The following NPRL2 variants were observed in gnomAD, a reference collection of about 807,000 sequenced individuals.
The protein encoded by NPRL2 is GATOR1 complex protein NPRL2.
NPRL2 carries 21 observed loss-of-function variants against 51.1 expected under a neutral mutation model. That is an observed-to-expected ratio of 0.41 (90% CI 0.29 to 0.59). The LOEUF (loss-of-function observed/expected upper bound fraction) is 0.59. Ranked by LOEUF, NPRL2 falls within the 20% of genes least tolerant of loss-of-function variation. The pLI, the probability that NPRL2 is intolerant of heterozygous loss-of-function variation, is 0.29. For missense variants in NPRL2, 376 were observed against 483.4 expected (o/e 0.78, Z 2.08); for synonymous variants, 175 against 187.8 (o/e 0.93, Z 0.56).
In NPRL2 at chr3:50,348,395, A is replaced by G; in HGVS notation, c.736T>C (p.Cys246Arg). 1 of 1,613,914 alleles carries G rather than the reference A, an allele frequency of 6.2e-7. No homozygotes were observed. The highest frequency in any genetic ancestry group is 1.1e-5 in the South Asian group (1 of 91,090). Residue 246 changes from cysteine to arginine, a missense_variant, in exon 8 of 11, where the codon TGC becomes CGC. Physicochemically the swap from Cys to Arg is radical, Grantham distance 180 (BLOSUM62 -3). Transcript: ENST00000232501. The surrounding 1 kb of genome is among the most constrained non-coding windows in gnomAD (Gnocchi z 5.8). Reference protein sequence around the residue: ...VSILQYSNVYCPTPKVQDLVD... With the variant: ...VSILQYSNVYRPTPKVQDLVD... Reference sequence around the variant, plus strand: ...AGGTCCTGGACCTTGGGCGTTGGGCAGTATACATTGGAGTACTAGAGGGTA... The same window carrying G: ...AGGTCCTGGACCTTGGGCGTTGGGCGGTATACATTGGAGTACTAGAGGGTA...
chr3:50,348,847 G>A lies in NPRL2; in HGVS notation c.585+27C>T, dbSNP rs1434897317. On this transcript the variant is annotated intron_variant, in intron 5 of 10. Coordinates refer to ENST00000232501, the MANE Select transcript of NPRL2 (RefSeq NM_006545.5). The surrounding 1 kb of genome is among the most constrained non-coding windows in gnomAD (Gnocchi z 5.8). Reference sequence around the variant, plus strand: ...GCCAGGGCTGTGGCCAGCCCCAGGTGATGATACCCAGGGAGGGATGGCATA... The same window carrying A: ...GCCAGGGCTGTGGCCAGCCCCAGGTAATGATACCCAGGGAGGGATGGCATA... 4 of 1,613,812 alleles carry A rather than the reference G, an allele frequency of 2.5e-6. No individual in the cohort carries two copies. Among genetic ancestry groups the A allele is most frequent in the Non-Finnish European group, 3.4e-6 (4 of 1,179,906 alleles).
Position 50,349,183 on chromosome 3 carries a change from G to A in NPRL2, c.449-173C>T, listed in dbSNP as rs1439950891. Reference sequence around the variant, plus strand: ...CACAAAGGGGAAGGAATTGCCCAAGGGGCAGAGCTGGAGAGCTCTGCTTTC... The same window carrying A: ...CACAAAGGGGAAGGAATTGCCCAAGAGGCAGAGCTGGAGAGCTCTGCTTTC... On this transcript the variant is annotated intron_variant, in intron 4 of 10. Coordinates refer to ENST00000232501, the MANE Select transcript of NPRL2 (RefSeq NM_006545.5). This position sits in a 1 kb window ranked among gnomAD's most constrained non-coding sequence, Gnocchi z 4.6. 2.2e-6 allele frequency: 2 copies of A among 901,286 alleles called. No individual in the cohort carries two copies. The highest frequency in any genetic ancestry group is 3.4e-5 in the African/African-American group (2 of 59,500). The allele number at this position is 901,286 out of a possible 1,614,324, so 55.8% of individuals were successfully genotyped here.
Position 50,349,592 on chromosome 3 carries a change from G to A in NPRL2, c.339+73C>T, listed in dbSNP as rs587705764. Reference sequence around the variant, plus strand: ...CTGGTTTGCAGGGTCCCAGGTTTGGGGGACTTTGGAGACATGGGAACACCT... The same window carrying A: ...CTGGTTTGCAGGGTCCCAGGTTTGGAGGACTTTGGAGACATGGGAACACCT... On this transcript the variant is annotated intron_variant, in intron 3 of 10. Transcript: ENST00000232501. This position sits in a 1 kb window ranked among gnomAD's most constrained non-coding sequence, Gnocchi z 4.6. The A allele has an allele frequency of 6.2e-7, 1 of 1,608,052 alleles. No individual in the cohort carries two copies. The highest frequency in any genetic ancestry group is 1.3e-5 in the African/African-American group (1 of 74,876).
rs1205182080 is a variant in NPRL2 at position 50,349,380 on chromosome 3, C to A, written c.448+6G>T. The A allele has an allele frequency of 6.2e-7, 1 of 1,611,320 alleles. No homozygotes were observed. Among genetic ancestry groups the A allele is most frequent in the Middle Eastern group, 1.7e-4 (1 of 6,052 alleles). On this transcript the variant is annotated splice_donor_region_variant and intron_variant, in intron 4 of 10. Coordinates refer to ENST00000232501, the MANE Select transcript of NPRL2 (RefSeq NM_006545.5). The surrounding 1 kb of genome is among the most constrained non-coding windows in gnomAD (Gnocchi z 4.6). ...CCTCTGCTGTCCTTGCAGAGGCTGG[C>A]CATACCAATGGGCAGAGTGCACCGG... is the stretch of plus-strand genomic sequence containing the variant.
In NPRL2 at chr3:50,349,615, C is replaced by G. The variant is rs1703684043; in HGVS notation, c.339+50G>C. The G allele has an allele frequency of 6.2e-7, 1 of 1,603,362 alleles. No homozygotes were observed. Among genetic ancestry groups the G allele is most frequent in the African/African-American group, 1.3e-5 (1 of 74,800 alleles). ...GGGGGACTTTGGAGACATGGGAACA[C>G]CTTCCCCAACTCTGCCTGTCGGTAA... On this transcript the variant is annotated intron_variant, in intron 3 of 10. Transcript: ENST00000232501. The surrounding 1 kb of genome is among the most constrained non-coding windows in gnomAD (Gnocchi z 4.6).
rs1575560581 is a variant in NPRL2, at chr3:50,348,393, G to A, written c.738C>T (p.Cys246=). The part of the protein sequence containing the change: ...VSILQYSNVY[C]PTPKVQDLVD... ...CCAGGTCCTGGACCTTGGGCGTTGG[G>A]CAGTATACATTGGAGTACTAGAGGG... The change falls in exon 8 of 11, where the codon TGC becomes TGT. Residue 246 remains cysteine (C), a synonymous_variant. Transcript: ENST00000232501. This position sits in a 1 kb window ranked among gnomAD's most constrained non-coding sequence, Gnocchi z 5.8. 2.5e-6 allele frequency: 4 copies of A among 1,613,934 alleles called. No individual in the cohort carries two copies. The highest frequency in any genetic ancestry group is 1.7e-6 in the Non-Finnish European group (2 of 1,180,028).
In NPRL2 at chr3:50,350,509, C is replaced by T. The variant is rs1394947796; in HGVS notation, c.78+66G>A. ...GTGCAGCACGGGAAACTACTGCCTT[C>T]AGGCAGCCAGTTGAGCTCTCGAGAA... On this transcript the variant is annotated intron_variant, in intron 1 of 10. Coordinates refer to ENST00000232501, the MANE Select transcript of NPRL2 (RefSeq NM_006545.5). The surrounding 1 kb of genome is among the most constrained non-coding windows in gnomAD (Gnocchi z 5.7). The T allele has an allele frequency of 7.4e-6, 11 of 1,494,970 alleles. No homozygotes were observed. The highest frequency in any genetic ancestry group is 9.1e-6 in the Non-Finnish European group (10 of 1,097,210). 92.6% of individuals were successfully genotyped at this position (1,494,970 alleles called of 1,614,324 possible).
chr3:50,347,715 G>A, intron 10 of NPRL2, 42 bp from the exon 11 acceptor site: 2 of 1,613,812 alleles, frequency 1.2e-6, no homozygotes, highest in Non-Finnish European at 1.7e-6. Context: ...CCTTGGCCTG[G>A]CCACCCTGCC....
rs763820779 is a variant in NPRL2, at chr3:50,348,509, C to G, written c.720+18G>C. ...CCACATGATCCACTCTCCACTTAAC[C>G]AAACCCAACTCACCTACCTGGAGGA... On this transcript the variant is annotated intron_variant, in intron 7 of 10. Coordinates refer to ENST00000232501, the MANE Select transcript of NPRL2 (RefSeq NM_006545.5). This position sits in a 1 kb window ranked among gnomAD's most constrained non-coding sequence, Gnocchi z 5.8. 4 of 1,614,094 alleles carry G rather than the reference C, an allele frequency of 2.5e-6. No homozygotes were observed. The South Asian group carries it at 4.4e-5, about 18-fold the overall frequency.
chr3:50,347,736 C>A (rs374135407), intron 10 of NPRL2, 23 bp downstream of exon 10: 2 of 1,613,790 alleles, frequency 1.2e-6, no homozygotes, highest in Non-Finnish European at 1.7e-6. Context: ...CTGAACCCAC[C>A]CTGACTGCCC....
chr3:50,349,327 G>A lies in NPRL2; in HGVS notation c.448+59C>T, dbSNP rs1703667713. On this transcript the variant is annotated intron_variant, in intron 4 of 10. Coordinates refer to ENST00000232501, the MANE Select transcript of NPRL2 (RefSeq NM_006545.5). This position sits in a 1 kb window ranked among gnomAD's most constrained non-coding sequence, Gnocchi z 4.6. ...GTCTTGCCCTTCTCCCTGACTAGCT[G>A]GGTTCACTTTCCCATCTCTCCTCTA... 2.1e-6 allele frequency: 3 copies of A among 1,426,482 alleles called. No individual in the cohort carries two copies. Among genetic ancestry groups the A allele is most frequent in the Non-Finnish European group, 2.0e-6 (2 of 1,012,366 alleles). 88.4% of individuals were successfully genotyped at this position (1,426,482 alleles called of 1,614,324 possible). A position where few individuals can be genotyped will look rare whatever the true frequency, so the allele number is the denominator to read the frequency against.
rs745518585 is a variant in NPRL2 at position 50,348,775 on chromosome 3, G to T, written c.593C>A (p.Pro198His). Residue 198 changes from proline (P) to histidine (H), a missense_variant, in exon 6 of 11, where the codon CCC becomes CAC. By Grantham distance (77) the Pro-to-His change is moderately conservative. Coordinates refer to ENST00000232501, the MANE Select transcript of NPRL2 (RefSeq NM_006545.5). The surrounding 1 kb of genome is among the most constrained non-coding windows in gnomAD (Gnocchi z 5.8). ...QWDLTTQQIL[P>H]YIDGFRHIQK... ...GATGTGGCGGAACCCATCAATGTAG[G>T]GCAGGATCTGGGCAGAGTGGGACAA... The T allele has an allele frequency of 2.3e-5, 37 of 1,613,906 alleles. No individual in the cohort carries two copies. Among genetic ancestry groups the T allele is most frequent in the Non-Finnish European group, 3.0e-5 (35 of 1,180,040 alleles).
In NPRL2 at chr3:50,350,758, G is replaced by T. The variant is rs1401955935; in HGVS notation, c.-106C>A. ...CAGCCTCGAGGCCTGTGTCGCTGGG[G>T]CACGCAAGCTTGCCAATCCCTCTGC... is the stretch of plus-strand genomic sequence containing the variant. On this transcript the variant is annotated 5_prime_UTR_variant, in exon 1 of 11. Transcript: ENST00000232501. The surrounding 1 kb of genome is among the most constrained non-coding windows in gnomAD (Gnocchi z 5.7). 12 of 1,491,218 alleles carry T rather than the reference G, an allele frequency of 8.0e-6. No individual in the cohort carries two copies. The African/African-American group carries it at 1.5e-4, about 19-fold the overall frequency. The allele number at this position is 1,491,218 out of a possible 1,614,324, so 92.4% of individuals were successfully genotyped here.
Position 50,348,677 on chromosome 3 carries a change from C to T in NPRL2, c.683+8G>A, listed in dbSNP as rs368949072. On this transcript the variant is annotated splice_region_variant and intron_variant, in intron 6 of 10. Coordinates refer to ENST00000232501, the MANE Select transcript of NPRL2 (RefSeq NM_006545.5). This position sits in a 1 kb window ranked among gnomAD's most constrained non-coding sequence, Gnocchi z 5.8. ...CCTTGTCCCAGGTATGACTGTAGGC[C>T]CACTCACAGCAGGTTCTGGATAGCA... 6.2e-7 allele frequency: 1 copy of T among 1,614,020 alleles called. No individual in the cohort carries two copies. Among genetic ancestry groups the T allele is most frequent in the African/African-American group, 1.3e-5 (1 of 75,030 alleles).
rs1575563234 is a variant in NPRL2, at chr3:50,350,053, G to T, written c.79-31C>A. 1.9e-6 allele frequency: 3 copies of T among 1,558,114 alleles called. No homozygotes were observed. The African/African-American group carries it at 4.1e-5, about 21-fold the overall frequency. ...GAGGGGAGTGGCAATGGGCCCCTCA[G>T]TGGACATCTGTACTGGGTGTAGTAC... On this transcript the variant is annotated intron_variant, in intron 1 of 10. Coordinates refer to ENST00000232501, the MANE Select transcript of NPRL2 (RefSeq NM_006545.5). This position sits in a 1 kb window ranked among gnomAD's most constrained non-coding sequence, Gnocchi z 5.7.
At position 50,347,418 on chromosome 3, in the gene NPRL2, C is replaced by T. The variant is rs1013598218; in HGVS notation, c.*188G>A. On this transcript the variant is annotated 3_prime_UTR_variant, in exon 11 of 11. Transcript: ENST00000232501. ...CCTGCCCACCAGATGGCGATCTAGC[C>T]CACGGCTCGTGGCTATTTCATTCAC... The T allele has an allele frequency of 1.0e-4, 56 of 546,252 alleles. No individual in the cohort carries two copies. Among genetic ancestry groups the T allele is most frequent in the Non-Finnish European group, 9.6e-6 (3 of 312,868 alleles). 33.8% of individuals were successfully genotyped at this position (546,252 alleles called of 1,614,324 possible). A position where few individuals can be genotyped will look rare whatever the true frequency, so the allele number is the denominator to read the frequency against.
At position 50,348,221 on chromosome 3, in the gene NPRL2, G is replaced by A. The variant is rs34059532; in HGVS notation, c.835C>T (p.Arg279Trp). 30 of 1,613,846 alleles carry A rather than the reference G, an allele frequency of 1.9e-5. No homozygotes were observed. The highest frequency in any genetic ancestry group is 2.2e-5 in the East Asian group (1 of 44,896). The change falls in exon 9 of 11, where the codon CGG becomes TGG. Residue 279 changes from arginine to tryptophan, a missense_variant. Physicochemically the swap from Arg to Trp is moderately radical, Grantham distance 101. Coordinates refer to ENST00000232501, the MANE Select transcript of NPRL2 (RefSeq NM_006545.5). This position sits in a 1 kb window ranked among gnomAD's most constrained non-coding sequence, Gnocchi z 5.8. The part of the protein sequence containing the change: ...TKQGHKRASL[R>W]DVFQLYCSLS... ...CTGCAGTATAGCTGGAACACATCCC[G>A]GAGACTGGCCCTCTTGTGCCCTGTG...
rs776525743 is a variant in NPRL2 at position 50,348,502 on chromosome 3, A to G, written c.720+25T>C. 7 of 1,614,008 alleles carry G rather than the reference A, an allele frequency of 4.3e-6. No individual in the cohort carries two copies. The Admixed American group carries it at 5.0e-5, about 12-fold the overall frequency. ...GGTCCAGCCACATGATCCACTCTCC[A>G]CTTAACCAAACCCAACTCACCTACC... On this transcript the variant is annotated intron_variant, in intron 7 of 10. Coordinates refer to ENST00000232501, the MANE Select transcript of NPRL2 (RefSeq NM_006545.5). This position sits in a 1 kb window ranked among gnomAD's most constrained non-coding sequence, Gnocchi z 5.8.
chr3:50,347,486 A>C lies in NPRL2; in HGVS notation c.*120T>G. 1 of 1,294,984 alleles carries C rather than the reference A, an allele frequency of 7.7e-7. No homozygotes were observed. Among genetic ancestry groups the C allele is most frequent in the South Asian group, 1.2e-5 (1 of 81,810 alleles). The allele number at this position is 1,294,984 out of a possible 1,614,324, so 80.2% of individuals were successfully genotyped here. A position where few individuals can be genotyped will look rare whatever the true frequency, so the allele number is the denominator to read the frequency against. On this transcript the variant is annotated 3_prime_UTR_variant, in exon 11 of 11. Transcript: ENST00000232501. ...CTGGCCCAGAAACAGCACTCAATAA[A>C]GGCTGTTTGAAATGGATGTCTTTAT... is the stretch of plus-strand genomic sequence containing the variant.
Sources: allele counts gnomAD v4.1 joint callset, GRCh38; gene constraint gnomAD v4.1.1; non-coding constraint Gnocchi (gnomAD v3.1); transcripts MANE v1.5; gene names NCBI Gene and HGNC (gene_info 2026-07-23, HGNC 2026-07-21).